LPP: variants seen among roughly 807,000 people sequenced by gnomAD.
LPP encodes the protein LIM domain containing preferred translocation partner in lipoma, also known as lipoma-preferred partner.
A neutral mutation model predicts 60.4 loss-of-function variants in LPP; 38 were observed. The ratio of observed to expected loss-of-function variants is 0.63; its 90% confidence interval spans 0.49 to 0.83. LPP has a LOEUF of 0.83. Among genes scored for constraint, LPP ranks in the 40% least tolerant of loss-of-function variants. LPP has a pLI of 0.00. For synonymous variants in LPP, 328 were observed against 290.8 expected, an observed-to-expected ratio of 1.13 and a Z score of -1.30; for missense variants, 902 against 783.6, an observed-to-expected ratio of 1.15 and a Z score of -1.80.
chr3:188,769,179 ATAAT>A (rs1443554562), intron 9 of LPP, among the ~76,000 whole-genome samples: 1 of 152,242 alleles, frequency 6.6e-6, no homozygotes, highest in Non-Finnish European at 1.5e-5. Context: ...TTTTGCATGA[ATAAT>A]TAACTCATGA....
chr3:188,485,034 G>A (rs568703899), intron 5 of LPP, among the ~76,000 whole-genome samples: 1 of 152,192 alleles, frequency 6.6e-6, no homozygotes, highest in South Asian at 2.1e-4. Context: ...AGGACATACA[G>A]CCATGTCTTT....
At chr3:188,274,878 A>G (rs905039306) in intron 2 of LPP, among the ~76,000 whole-genome samples, 1 of 152,180 alleles carries the variant, frequency 6.6e-6, no homozygotes, top group Non-Finnish European at 1.5e-5. Flanking sequence ...ATTTTCCATT[A>G]TGGGAAAAGG....
intron 4 of LPP, among the ~76,000 whole-genome samples, chr3:188,417,932 T>TA (rs1351738197): frequency 6.6e-6 from 1 of 152,202 alleles, no homozygotes; most frequent in African/African-American, 2.4e-5. Flanking sequence ...TTTGCTCTCT[T>TA]ACTTGTTCAC....
chr3:188,825,070 A>G (rs1292530204), intron 9 of LPP, among the ~76,000 whole-genome samples: 4 of 152,184 alleles, frequency 2.6e-5, no homozygotes, highest in African/African-American at 9.7e-5. Context: ...AACACATTCT[A>G]TGTGCAATGT....
In LPP at chr3:188,610,425, G is replaced by T. The variant is rs1372155710; in HGVS notation, c.1113+581G>T. ...GGACCCAGGAAATGGGTGAGGCCAAGCAGGTCTAAGATAATGCAAATGCCT... is the reference window on the plus strand; with the variant it reads ...GGACCCAGGAAATGGGTGAGGCCAATCAGGTCTAAGATAATGCAAATGCCT... On this transcript the variant is annotated intron_variant, in intron 7 of 11. Coordinates refer to ENST00000617246, the MANE Select transcript of LPP (RefSeq NM_001375462.1). This position sits in a 1 kb window ranked among gnomAD's most constrained non-coding sequence, Gnocchi z 4.4. 6.6e-6 allele frequency among the ~76,000 whole-genome samples: 1 copy of T among 152,248 alleles called. No individual in the cohort carries two copies. The highest frequency in any genetic ancestry group is 1.5e-5 in the Non-Finnish European group (1 of 68,040).
Position 188,252,170 on chromosome 3 carries a change from C to CATATATATATATATAT in LPP, c.-67+26664_-67+26679dup, listed in dbSNP as rs10609191. On this transcript the variant is annotated intron_variant, in intron 2 of 11. Coordinates refer to ENST00000617246, the MANE Select transcript of LPP (RefSeq NM_001375462.1). ...CCTGTAATGCCCCTTCTTCCCCAAA[C>CATATATATATATATAT]ATATATATATATATATATATATATA... Among the ~76,000 whole-genome samples the CATATATATATATATAT allele has an allele frequency of 1.3e-4, 13 of 101,894 alleles. No homozygotes were observed. In the South Asian group the frequency reaches 1.8e-3, roughly 14 times the overall value. 66.8% of individuals were successfully genotyped at this position (101,894 alleles called of 152,430 possible).
chr3:188,380,110 T>C (rs1776461085), intron 3 of LPP, among the ~76,000 whole-genome samples: 1 of 152,174 alleles, frequency 6.6e-6, no homozygotes. Context: ...GAGAACCAGG[T>C]GTGAAATCAT....
chr3:188,301,086 G>A (rs915384760), intron 2 of LPP, among the ~76,000 whole-genome samples: 5 of 151,876 alleles, frequency 3.3e-5, no homozygotes, highest in Non-Finnish European at 7.4e-5. Context: ...CCATACACCT[G>A]CCCATCCACC....
intron 9 of LPP, among the ~76,000 whole-genome samples, chr3:188,848,141 A>G (rs148430082): frequency 7.9e-5 from 12 of 152,350 alleles, no homozygotes; most frequent in African/African-American, 2.6e-4. Flanking sequence ...TTCCCTAGAT[A>G]TGATTACAAT....
intron 7 of LPP, among the ~76,000 whole-genome samples, chr3:188,685,688 A>G (rs1170144489): frequency 6.6e-6 from 1 of 152,164 alleles, no homozygotes; most frequent in Non-Finnish European, 1.5e-5. Flanking sequence ...CCAGCTAAGC[A>G]AGCTGGACCA....
At chr3:188,171,805 A>G (rs1201707097) in intron 1 of LPP, among the ~76,000 whole-genome samples, 1 of 152,214 alleles carries the variant, frequency 6.6e-6, no homozygotes. Flanking sequence ...TTGAGTATCT[A>G]GGAAAACTGG....
At chr3:188,841,952 G>A (rs1465701541) in intron 9 of LPP, among the ~76,000 whole-genome samples, 3 of 152,178 alleles carry the variant, frequency 2.0e-5, no homozygotes, top group Admixed American at 1.3e-4. Flanking sequence ...GGGCTGAGAC[G>A]ATGGGGTTTT....
chr3:188,517,171 G>A (rs573327070), intron 5 of LPP, among the ~76,000 whole-genome samples: 8 of 152,230 alleles, frequency 5.3e-5, no homozygotes, highest in South Asian at 2.1e-4. Context: ...TGAGGGACCC[G>A]AGAGCTCAGG....
chr3:188,344,005 C>G (rs1230777543), intron 3 of LPP, among the ~76,000 whole-genome samples: 1 of 152,154 alleles, frequency 6.6e-6, no homozygotes, highest in Non-Finnish European at 1.5e-5. Flanking sequence ...GTCCCATTTC[C>G]AAACCAAATC....
intron 9 of LPP, among the ~76,000 whole-genome samples, chr3:188,811,006 A>G (rs1218297748): frequency 6.6e-6 from 1 of 152,118 alleles, no homozygotes; most frequent in Non-Finnish European, 1.5e-5. Flanking sequence ...TATATAAAAT[A>G]TTTCTCAAGG....
intron 5 of LPP, 72 bp from the exon 6 acceptor site, chr3:188,524,592 CT>C (rs1015900812): frequency 8.8e-6 from 13 of 1,469,916 alleles, no homozygotes; most frequent in African/African-American, 2.9e-5. Flanking sequence ...CACATTATAA[CT>C]TGAGAAATTT....
At chr3:188,158,008 A>G (rs1052653033) in intron 1 of LPP, among the ~76,000 whole-genome samples, 7 of 152,192 alleles carry the variant, frequency 4.6e-5, no homozygotes, top group Admixed American at 3.9e-4. Context: ...TTTAATAAGT[A>G]AGGTTTAAAT....
At chr3:188,586,466 G>A (rs1329923039) in intron 6 of LPP, among the ~76,000 whole-genome samples, 1 of 152,132 alleles carries the variant, frequency 6.6e-6, no homozygotes, top group Non-Finnish European at 1.5e-5. Flanking sequence ...TATTAGAAAG[G>A]AGTCTGGAAA....
chr3:188,169,299 A>T (rs1173168506), intron 1 of LPP, among the ~76,000 whole-genome samples: 3 of 152,198 alleles, frequency 2.0e-5, no homozygotes, highest in Non-Finnish European at 4.4e-5. Context: ...AAATGAGAGG[A>T]TTGGGTTTAG....
Sources: gnomAD v4.1 joint callset for allele counts (sites outside exome capture counted in the v4.1 genomes callset) on GRCh38, gnomAD v4.1.1 for gene constraint, Gnocchi (gnomAD v3.1) non-coding constraint, MANE v1.5 for transcripts, NCBI Gene and HGNC (gene_info 2026-07-23, HGNC 2026-07-21) for gene names.